Variants in ZNF83 observed in about 807,000 individuals in gnomAD.
The protein encoded by ZNF83 is zinc finger protein 83, also known as zinc finger protein 816B.
For missense variants in ZNF83, 552 were observed against 629.9 expected, an observed-to-expected ratio of 0.88 and a Z score of 1.32; for synonymous variants, 209 against 213.0, an observed-to-expected ratio of 0.98 and a Z score of 0.17.
At chr19:52,621,758 C>CTGTT (rs144861164) in intron 2 of ZNF83, among the ~76,000 whole-genome samples, 1 of 152,198 alleles carries the variant, frequency 6.6e-6, no homozygotes, top group South Asian at 2.1e-4. Context: ...TCCTGCAACA[C>CTGTT]TGTTTGGCCC....
intron 1 of ZNF83, among the ~76,000 whole-genome samples, chr19:52,677,435 G>A (rs1282872375): frequency 6.6e-6 from 1 of 151,730 alleles, no homozygotes; most frequent in East Asian, 1.9e-4. Flanking sequence ...GCAGTGAGCT[G>A]AGATGTGGCC....
intron 1 of ZNF83, among the ~76,000 whole-genome samples, chr19:52,689,473 ACT>A (rs2062107009): frequency 6.6e-6 from 1 of 151,426 alleles, no homozygotes; most frequent in African/African-American, 2.4e-5. Context: ...CACCAGCACC[ACT>A]CTGCTCTGTC....
chr19:52,629,994 G>A (rs181006296), intron 2 of ZNF83, among the ~76,000 whole-genome samples: 19,621 of 151,824 alleles, frequency 0.13, 1,200 homozygotes, highest in South Asian at 0.23. Flanking sequence ...CCAAACGCCT[G>A]AACCACAGTG....
intron 1 of ZNF83, among the ~76,000 whole-genome samples, chr19:52,690,182 G>GAAAAAAAA (rs35717855): frequency 7.6e-6 from 1 of 132,186 alleles, no homozygotes; most frequent in Non-Finnish European, 1.6e-5. Context: ...ATGATTTTGA[G>GAAAAAAAA]AAAAAAAAAA....
chr19:52,629,947 G>A (rs62118490), intron 2 of ZNF83, among the ~76,000 whole-genome samples: 27,908 of 151,352 alleles, frequency 0.18, 2,260 homozygotes, highest in Middle Eastern at 0.23. Flanking sequence ...TCCACTGTGA[G>A]ACAAACCCCA....
intron 2 of ZNF83, chr19:52,616,700 G>A (rs113757139): frequency 0.053 from 8,036 of 152,138 alleles, 280 homozygotes; most frequent in Non-Finnish European, 0.082. Flanking sequence ...AAAATTAGCC[G>A]GGCATGGTGG....
Position 52,667,795 on chromosome 19 carries a change from G to T in ZNF83, c.-282-6952C>A, listed in dbSNP as rs535554913. On this transcript the variant is annotated intron_variant, in intron 1 of 5. Coordinates refer to the ZNF83 transcript ENST00000594682. ...AGAGTCTATAAAAATCTTACCTTAT[G>T]GTCAGACATTAACATTGGATAAATA... Among the ~76,000 whole-genome samples the T allele has an allele frequency of 3.9e-5, 6 of 152,134 alleles. No individual in the cohort carries two copies. The East Asian group carries it at 5.8e-4, about 15-fold the overall frequency.
At chr19:52,688,188 G>A (rs992487855) in intron 1 of ZNF83, among the ~76,000 whole-genome samples, 1 of 151,904 alleles carries the variant, frequency 6.6e-6, no homozygotes, top group African/African-American at 2.4e-5. Flanking sequence ...TCTTTTCTTT[G>A]GTAACAGGGT....
exon 3 of ZNF83, chr19:52,613,879 C>G: frequency 6.2e-7 from 1 of 1,614,142 alleles, no homozygotes; most frequent in South Asian, 1.1e-5. Context: ...AGGTTTTTCT[C>G]CAGTATGAAT....
chr19:52,637,714 G>T (rs1233359244), intron 1 of ZNF83, among the ~76,000 whole-genome samples: 3 of 152,146 alleles, frequency 2.0e-5, no homozygotes, highest in Non-Finnish European at 4.4e-5. Flanking sequence ...GGAGGAGCTC[G>T]TTTTCCGGGG....
intron 2 of ZNF83, among the ~76,000 whole-genome samples, chr19:52,616,379 T>C (rs770980097): frequency 6.6e-6 from 1 of 152,326 alleles, no homozygotes; most frequent in African/African-American, 2.4e-5. Context: ...ACTGGGTATA[T>C]ACCCAAAGGA....
At chr19:52,647,117 G>A (rs589860) in intron 3 of ZNF83, among the ~76,000 whole-genome samples, 121,504 of 151,984 alleles carry the variant, frequency 0.8, 49,099 homozygotes, top group African/African-American at 0.92. Flanking sequence ...ACAGAAAGTG[G>A]TTTTTTTCCC....
At chr19:52,651,363 A>G (rs1219386351) in intron 3 of ZNF83, 1 of 152,242 alleles carries the variant, frequency 6.6e-6, no homozygotes, top group Admixed American at 6.5e-5. Flanking sequence ...AAGGATTTAC[A>G]GATTCTCCTA....
chr19:52,681,331 T>C (rs1039433625), intron 1 of ZNF83, among the ~76,000 whole-genome samples: 2 of 144,752 alleles, frequency 1.4e-5, no homozygotes, highest in Admixed American at 6.9e-5. Flanking sequence ...TCTCTACAGA[T>C]AGTATGTTCA....
chr19:52,618,269 T>G (rs932637527), intron 2 of ZNF83, among the ~76,000 whole-genome samples: 3 of 151,602 alleles, frequency 2.0e-5, no homozygotes, highest in Non-Finnish European at 2.9e-5. Flanking sequence ...TTTTTGTGTT[T>G]TTTTTTTTTT....
In ZNF83 at chr19:52,687,591, TA is replaced by T. The variant is rs1568588785; in HGVS notation, c.-283+2851del. Among the ~76,000 whole-genome samples the T allele has an allele frequency of 5.9e-3, 218 of 37,226 alleles. 25 individuals carry two copies. The highest frequency in any genetic ancestry group is 0.057 in the African/African-American group (206 of 3,632). 24.4% of individuals were successfully genotyped at this position (37,226 alleles called of 152,430 possible). A position where few individuals can be genotyped will look rare whatever the true frequency, so the allele number is the denominator to read the frequency against. ...TATATATAAATTTTATATATATATA[TA>T]TATAATGTATATATATATAATGTGT... On this transcript the variant is annotated intron_variant, in intron 1 of 5. Coordinates refer to the ZNF83 transcript ENST00000594682.
intron 1 of ZNF83, among the ~76,000 whole-genome samples, chr19:52,667,224 GA>G (rs34235519): frequency 0.11 from 9,374 of 86,184 alleles, 806 homozygotes; most frequent in African/African-American, 0.27. Context: ...TATCATCTTT[GA>G]AAAAAAAAAA....
At chr19:52,689,928 C>T (rs559116914) in intron 1 of ZNF83, among the ~76,000 whole-genome samples, 67 of 152,300 alleles carry the variant, frequency 4.4e-4, no homozygotes, top group Middle Eastern at 3.4e-3. Context: ...GCGGTGACTG[C>T]GGAGGAGAGA....
At chr19:52,675,489 G>A (rs933649520) in intron 1 of ZNF83, among the ~76,000 whole-genome samples, 2 of 152,120 alleles carry the variant, frequency 1.3e-5, no homozygotes, top group Admixed American at 6.5e-5. Context: ...CATGGATCAT[G>A]TGCTGAGTCA....
Sources: gnomAD v4.1 joint callset for allele counts (sites outside exome capture counted in the v4.1 genomes callset) on GRCh38, gnomAD v4.1.1 for gene constraint, MANE v1.5 for transcripts, NCBI Gene and HGNC (gene_info 2026-07-23, HGNC 2026-07-21) for gene names.